The following SLC9A6 variants were observed in gnomAD, a reference collection of about 807,000 sequenced individuals.
The protein encoded by SLC9A6 is solute carrier family 9 member A6.
Under a neutral mutation model 45.3 loss-of-function variants are expected in SLC9A6, and 6 were observed. That is an observed-to-expected ratio of 0.13 (90% CI 0.07 to 0.26). The LOEUF is 0.26. Ranked by LOEUF, SLC9A6 falls within the 10% of genes least tolerant of loss-of-function variation. SLC9A6 has a pLI of 1.00. For missense variants in SLC9A6, 278 were observed against 503.7 expected (o/e 0.55, Z 4.29); for synonymous variants, 191 against 187.7 (o/e 1.02, Z -0.14).
At chrX:135,991,201 A>G (rs1449782123) in intron 2 of SLC9A6, among the ~76,000 whole-genome samples, 1 of 110,966 alleles carries the variant, frequency 9.0e-6, no homozygotes, top group East Asian at 2.8e-4. Context: ...ATATGTGACT[A>G]TAAATTGACC....
In SLC9A6 at chrX:136,044,690, A is replaced by G. The variant is rs370119753; in HGVS notation, c.2006A>G (p.Asn669Ser). 4.1e-6 allele frequency: 5 copies of G among 1,209,090 alleles called. No homozygotes were observed. Among genetic ancestry groups the G allele is most frequent in the Non-Finnish European group, 5.6e-6 (5 of 894,707 alleles). ...ATGGATGATTCTGAACCCCCGCTAA[A>G]TTTGTTAGATAATACGAGACATGGT... Reference protein sequence around the residue: ...LPMDDSEPPLNLLDNTRHGPA With the variant: ...LPMDDSEPPLSLLDNTRHGPA Residue 669 changes from asparagine to serine, a missense_variant, in exon 18 of 18, where the codon AAT becomes AGT. Asn to Ser is a conservative substitution (Grantham distance 46, BLOSUM62 1). This residue lies in a region of SLC9A6 where 91 missense variants were observed against 125.1 expected (regional missense o/e 0.73). Coordinates refer to ENST00000630721, the MANE Select transcript of SLC9A6 (RefSeq NM_001379110.1).
chrX:136,010,330 G>T (rs1187520927), intron 7 of SLC9A6, 112 bp from the exon 8 acceptor site: 37 of 894,565 alleles, frequency 4.1e-5, no homozygotes, highest in Non-Finnish European at 5.7e-5. Flanking sequence ...AATTCCAATC[G>T]AAAGCTTGTT....
At chrX:135,990,016 C>T (rs1036972024) in intron 2 of SLC9A6, among the ~76,000 whole-genome samples, 2 of 111,544 alleles carry the variant, frequency 1.8e-5, no homozygotes, top group African/African-American at 6.5e-5. Flanking sequence ...GACGGAGTCT[C>T]GCTCTGTCTC....
At chrX:136,029,911 A>T in intron 14 of SLC9A6, 6 of 427,105 alleles carry the variant, frequency 1.4e-5, no homozygotes, top group Non-Finnish European at 2.5e-5. Context: ...AGATTGCAGG[A>T]AGAGAATCAT....
intron 13 of SLC9A6, among the ~76,000 whole-genome samples, chrX:136,028,069 C>T (rs1556620729): frequency 4.5e-5 from 5 of 112,212 alleles, no homozygotes; most frequent in Non-Finnish European, 9.4e-5. Flanking sequence ...TGTTCTTTTC[C>T]CTCGGAACCA....
chrX:135,985,495 G>T lies in SLC9A6; in HGVS notation c.-57+18G>T, dbSNP rs1238943912. ...CCGGTGAGGTAGGGGCGGGAGGCGGGGGGAGACATGGCTCGGCGCGGCTGG... is the reference window on the plus strand; with the variant it reads ...CCGGTGAGGTAGGGGCGGGAGGCGGTGGGAGACATGGCTCGGCGCGGCTGG... On this transcript the variant is annotated intron_variant, in intron 1 of 17. Coordinates refer to ENST00000630721, the MANE Select transcript of SLC9A6 (RefSeq NM_001379110.1). 2 of 1,084,249 alleles carry T rather than the reference G, an allele frequency of 1.8e-6. No individual in the cohort carries two copies. The highest frequency in any genetic ancestry group is 3.8e-5 in the African/African-American group (2 of 52,215). 89.4% of individuals were successfully genotyped at this position (1,084,249 alleles called of 1,213,427 possible).
At chrX:136,012,092 A>AAAAAC (rs1233821827) in intron 8 of SLC9A6, among the ~76,000 whole-genome samples, 148 of 112,873 alleles carry the variant, frequency 1.3e-3, no homozygotes, top group African/African-American at 4.4e-3. Flanking sequence ...TCCGTCTCAA[A>AAAAAC]AAAACAAAAC....
At chrX:135,983,442 A>G (rs2089295946), upstream of SLC9A6, 1 of 109,878 alleles carries the variant, frequency 9.1e-6, no homozygotes, top group Non-Finnish European at 1.9e-5. Context: ...AAGTAGCAAG[A>G]GGAGAAACCC....
upstream of SLC9A6, chrX:135,985,130 G>A (rs181454131): frequency 7.5e-5 from 11 of 145,830 alleles, no homozygotes; most frequent in Non-Finnish European, 1.4e-4. Context: ...GGACGATATT[G>A]AGATGGGTTA....
At chrX:135,990,644 T>C (rs782441615) in intron 2 of SLC9A6, among the ~76,000 whole-genome samples, 1 of 111,236 alleles carries the variant, frequency 9.0e-6, no homozygotes, top group East Asian at 2.8e-4. Flanking sequence ...CTCCTCAGGG[T>C]ACCCAGTGAT....
intron 17 of SLC9A6, 129 bp downstream of exon 17, chrX:136,040,310 A>T: frequency 2.0e-6 from 1 of 500,827 alleles, no homozygotes; most frequent in South Asian, 3.0e-5. Flanking sequence ...ATGAAAGGGA[A>T]TTTAAGCATA....
At chrX:136,033,531 G>A (rs781850225) in intron 16 of SLC9A6, 38 bp downstream of exon 16, 25 of 823,716 alleles carry the variant, frequency 3.0e-5, no homozygotes, top group Admixed American at 1.4e-4. Flanking sequence ...AGGATAATGT[G>A]GACATAGATA....
chrX:135,992,274 C>A (rs1207537162), intron 2 of SLC9A6, among the ~76,000 whole-genome samples: 1 of 111,136 alleles, frequency 9.0e-6, no homozygotes, highest in African/African-American at 3.3e-5. Context: ...AATATAATAC[C>A]TTCAAAAAAT....
rs144434255 is a variant in SLC9A6 at position 136,033,924 on chromosome X, T to C, written c.1661+431T>C. Among the ~76,000 whole-genome samples the C allele has an allele frequency of 1.2e-4, 13 of 111,996 alleles. No individual in the cohort carries two copies. The East Asian group carries it at 3.7e-3, about 32-fold the overall frequency. ...ATCAAAATGCGATAATGTTCAATAC[T>C]GCGCTGTTCAGCAATACACTTTTTT... On this transcript the variant is annotated intron_variant, in intron 16 of 17. Transcript: ENST00000630721.
rs375277278 is a variant in SLC9A6, at chrX:135,996,988, G to C, written c.370-1120G>C. 7.9e-3 allele frequency among the ~76,000 whole-genome samples: 877 copies of C among 110,628 alleles called. 3 individuals are homozygous for C. The highest frequency in any genetic ancestry group is 0.024 in the African/African-American group (724 of 30,469). The stretch of plus-strand genomic sequence containing the variant: ...TCACCGTGTTAGCCAGGATGGTCTC[G>C]ATCTCCTGACTTTGTGATCCGCCCG... On this transcript the variant is annotated intron_variant, in intron 3 of 17. Coordinates refer to ENST00000630721, the MANE Select transcript of SLC9A6 (RefSeq NM_001379110.1).
intron 15 of SLC9A6, among the ~76,000 whole-genome samples, chrX:136,031,656 C>T (rs1198742206): frequency 1.8e-5 from 2 of 111,391 alleles, no homozygotes; most frequent in African/African-American, 6.5e-5. Flanking sequence ...GAGACTCTGT[C>T]TGGAAAAACA....
Position 135,998,647 on chromosome X carries a change from CT to C in SLC9A6, c.524+90del. 6.8e-6 allele frequency: 5 copies of C among 740,707 alleles called. No individual in the cohort carries two copies. The South Asian group carries it at 1.2e-4, about 18-fold the overall frequency. 61.0% of individuals were successfully genotyped at this position (740,707 alleles called of 1,213,427 possible). A position where few individuals can be genotyped will look rare whatever the true frequency, so the allele number is the denominator to read the frequency against. ...TTGATTTATGCAGTGTTATATATTCCTGACTGGGTCTAAAGACTTTTGCAAT... is the reference window on the plus strand; with the variant it reads ...TTGATTTATGCAGTGTTATATATTCCGACTGGGTCTAAAGACTTTTGCAAT... On this transcript the variant is annotated intron_variant, in intron 5 of 17. Coordinates refer to ENST00000630721, the MANE Select transcript of SLC9A6 (RefSeq NM_001379110.1).
At chrX:136,021,519 C>G (rs1029363874) in intron 11 of SLC9A6, among the ~76,000 whole-genome samples, 1 of 112,372 alleles carries the variant, frequency 8.9e-6, no homozygotes, top group Non-Finnish European at 1.9e-5. Context: ...TAGACCAACA[C>G]CATTCCCCCT....
At chrX:135,977,812 G>C (rs1556613543) in intron 1 of SLC9A6, among the ~76,000 whole-genome samples, 1 of 111,229 alleles carries the variant, frequency 9.0e-6, no homozygotes, top group African/African-American at 3.3e-5. Context: ...GGTATTTTAA[G>C]TTTTGAATCT....
Sources: allele counts gnomAD v4.1 joint callset (sites outside exome capture counted in the v4.1 genomes callset), GRCh38; gene constraint gnomAD v4.1.1; regional missense constraint gnomAD v4.1.1; transcripts MANE v1.5; gene names NCBI Gene and HGNC (gene_info 2026-07-23, HGNC 2026-07-21).